The following FAF1 variants were observed in gnomAD, a reference collection of about 807,000 sequenced individuals.
FAF1 encodes the protein Fas associated factor 1, also known as FAS-associated factor 1.
A neutral mutation model predicts 92.5 loss-of-function variants in FAF1; 25 were observed. That is an observed-to-expected ratio of 0.27 (90% CI 0.20 to 0.38). The LOEUF (loss-of-function observed/expected upper bound fraction) is 0.38, where lower values mean the gene tolerates loss of function less well. Ranked by LOEUF, FAF1 falls within the 10% of genes least tolerant of loss-of-function variation. FAF1 has a pLI of 1.00. For missense variants in FAF1, 636 were observed against 793.3 expected (o/e 0.80, Z 2.38); for synonymous variants, 234 against 273.2 (o/e 0.86, Z 1.42).
chr1:50,449,712 T>C (rs1293311794), intron 18 of FAF1, among the ~76,000 whole-genome samples: 1 of 151,274 alleles, frequency 6.6e-6, no homozygotes, highest in Admixed American at 6.6e-5. Context: ...ATGGTCTCGA[T>C]CTCTTGACCT....
At chr1:50,710,989 GA>G in intron 6 of FAF1, among the ~76,000 whole-genome samples, 1 of 148,844 alleles carries the variant, frequency 6.7e-6, no homozygotes, top group East Asian at 2.0e-4. Context: ...GGCTCATTGC[GA>G]CCTCAACCTC....
At chr1:50,671,440 C>T (rs1199088103) in intron 7 of FAF1, among the ~76,000 whole-genome samples, 1 of 152,018 alleles carries the variant, frequency 6.6e-6, no homozygotes, top group Admixed American at 6.6e-5. Context: ...ACTTCCATAG[C>T]TGCCACATGA....
In FAF1 at chr1:50,515,518, T is replaced by C. The variant is rs142156956; in HGVS notation, c.1494+19851A>G. The stretch of plus-strand genomic sequence containing the variant: ...AAGCCAAAGGTATGCTCAAAGACCA[T>C]AGTTTGAAAAGCACGGTAGTTCAGA... On this transcript the variant is annotated intron_variant, in intron 15 of 18. Transcript: ENST00000396153. 4.6e-3 allele frequency among the ~76,000 whole-genome samples: 705 copies of C among 152,262 alleles called. 4 individuals are homozygous for C. Among genetic ancestry groups the C allele is most frequent in the Non-Finnish European group, 6.8e-3 (463 of 67,976 alleles).
chr1:50,599,638 T>C (rs1480670329), intron 8 of FAF1, among the ~76,000 whole-genome samples: 2 of 152,222 alleles, frequency 1.3e-5, no homozygotes, highest in East Asian at 3.8e-4. Context: ...TGTCTTTTAA[T>C]ATTCTATGTG....
intron 17 of FAF1, among the ~76,000 whole-genome samples, chr1:50,482,604 A>C (rs1283086751): frequency 6.6e-6 from 1 of 152,190 alleles, no homozygotes; most frequent in East Asian, 1.9e-4. Context: ...GTGGATGTGG[A>C]TGTACTATTT....
chr1:50,892,948 T>G (rs1206957791), intron 1 of FAF1, among the ~76,000 whole-genome samples: 1 of 152,204 alleles, frequency 6.6e-6, no homozygotes, highest in Non-Finnish European at 1.5e-5. Context: ...TCACTAATAC[T>G]TTCTGTCTGA....
intron 6 of FAF1, among the ~76,000 whole-genome samples, chr1:50,717,987 C>CTTTATTTATTTATTTATTTA (rs67168626): frequency 7.2e-6 from 1 of 138,940 alleles, no homozygotes; most frequent in Non-Finnish European, 1.6e-5. Context: ...AAATACAATC[C>CTTTATTTATTTATTTATTTA]TTTATTTATT....
At chr1:50,640,823 C>T in intron 8 of FAF1, among the ~76,000 whole-genome samples, 1 of 132,144 alleles carries the variant, frequency 7.6e-6, no homozygotes, top group Admixed American at 8.6e-5. Flanking sequence ...AGGAGTTTAT[C>T]AGCTGATTTT....
chr1:50,790,938 C>G (rs1661540720), intron 3 of FAF1, among the ~76,000 whole-genome samples: 1 of 152,010 alleles, frequency 6.6e-6, no homozygotes, highest in African/African-American at 2.4e-5. Flanking sequence ...TTAACAGGAC[C>G]AACTATTGTT....
intron 15 of FAF1, among the ~76,000 whole-genome samples, chr1:50,530,139 AT>A (rs1648061820): frequency 6.6e-6 from 1 of 151,746 alleles, no homozygotes; most frequent in Non-Finnish European, 1.5e-5. Flanking sequence ...GTATTTTTGG[AT>A]TTTTAATCTC....
At chr1:50,594,362 A>G (rs1303905228) in intron 9 of FAF1, among the ~76,000 whole-genome samples, 1 of 151,706 alleles carries the variant, frequency 6.6e-6, no homozygotes, top group African/African-American at 2.4e-5. Flanking sequence ...CATCTGTGCT[A>G]TTTAGTTATG....
intron 1 of FAF1, among the ~76,000 whole-genome samples, chr1:50,882,497 G>A (rs1199683187): frequency 6.6e-6 from 1 of 151,960 alleles, no homozygotes; most frequent in East Asian, 1.9e-4. Context: ...AGCTACTCAG[G>A]AGGCTGAGGC....
intron 1 of FAF1, among the ~76,000 whole-genome samples, chr1:50,909,774 G>A (rs1039533885): frequency 3.3e-5 from 5 of 152,138 alleles, no homozygotes; most frequent in Admixed American, 2.0e-4. Flanking sequence ...TTAGCCATTC[G>A]TCTAATCTTT....
At chr1:50,620,989 G>C (rs574318638) in intron 8 of FAF1, among the ~76,000 whole-genome samples, 1 of 152,248 alleles carries the variant, frequency 6.6e-6, no homozygotes, top group Non-Finnish European at 1.5e-5. Context: ...CTGGAGCAGG[G>C]AGATATGCCG....
intron 1 of FAF1, among the ~76,000 whole-genome samples, chr1:50,907,094 T>C (rs1050226913): frequency 9.2e-5 from 14 of 152,244 alleles, no homozygotes; most frequent in African/African-American, 3.4e-4. Context: ...CATGAAGGGC[T>C]ATAGAATTTT....
At chr1:50,736,278 C>T (rs1453961389) in intron 6 of FAF1, among the ~76,000 whole-genome samples, 2 of 152,078 alleles carry the variant, frequency 1.3e-5, no homozygotes, top group African/African-American at 4.8e-5. Context: ...AATTAGGTTA[C>T]AAATTACAAA....
chr1:50,680,982 T>C (rs777552622), intron 7 of FAF1, among the ~76,000 whole-genome samples: 2 of 152,034 alleles, frequency 1.3e-5, no homozygotes, highest in African/African-American at 2.4e-5. Context: ...CATTTACATA[T>C]ACAAACTAGC....
chr1:50,620,950 C>G (rs891508163), intron 8 of FAF1, among the ~76,000 whole-genome samples: 1 of 152,216 alleles, frequency 6.6e-6, no homozygotes, highest in Non-Finnish European at 1.5e-5. Flanking sequence ...GTTAGGTGTT[C>G]CGGGCCATGG....
chr1:50,703,012 A>T (rs56229310), intron 7 of FAF1, among the ~76,000 whole-genome samples: 13,480 of 151,442 alleles, frequency 0.089, 642 homozygotes, highest in Non-Finnish European at 0.11. Flanking sequence ...AATTAAAAAA[A>T]ATATATATAT....
Sources: gnomAD v4.1 joint callset for allele counts (sites outside exome capture counted in the v4.1 genomes callset) on GRCh38, gnomAD v4.1.1 for gene constraint, MANE v1.5 for transcripts, NCBI Gene and HGNC (gene_info 2026-07-23, HGNC 2026-07-21) for gene names.